The following ENTREP1 variants were observed in gnomAD, a reference collection of about 807,000 sequenced individuals.
ENTREP1 encodes endosomal transmembrane epsin interactor 1.
At chr9:69,386,138 G>A in the ENTREP1 span, 1 of 457,620 alleles carries the variant, frequency 2.2e-6, no homozygotes, top group East Asian at 3.6e-5. Flanking sequence ...TGTCTTTTAA[G>A]GATGGTAGGG....
chr9:69,328,510 C>A, the ENTREP1 span, among the ~76,000 whole-genome samples: 20 of 152,310 alleles, frequency 1.3e-4, no homozygotes, highest in African/African-American at 4.6e-4. Context: ...ATACCTAACG[C>A]TGCTCCCCCT....
the ENTREP1 span, among the ~76,000 whole-genome samples, chr9:69,342,733 A>G: frequency 1.3e-5 from 2 of 152,252 alleles, no homozygotes; most frequent in African/African-American, 4.8e-5. Context: ...CCAAGAGAAG[A>G]TTTGGCCTCT....
chr9:69,330,116 TG>T, the ENTREP1 span, among the ~76,000 whole-genome samples: 4 of 150,366 alleles, frequency 2.7e-5, no homozygotes, highest in Non-Finnish European at 5.9e-5. Flanking sequence ...TAGATTCCAC[TG>T]GGGTATGGGA....
chr9:69,368,227 C>CAGA, the ENTREP1 span, among the ~76,000 whole-genome samples: 2 of 152,020 alleles, frequency 1.3e-5, no homozygotes, highest in African/African-American at 4.8e-5. Context: ...ACTTCTAGTA[C>CAGA]TGTGTTGAAT....
At chr9:69,383,665 T>C in the ENTREP1 span, 1 of 1,613,664 alleles carries the variant, frequency 6.2e-7, no homozygotes. Context: ...CTGCCACACA[T>C]CTACGGAGCT....
At chr9:69,365,909 A>ATTAT in the ENTREP1 span, among the ~76,000 whole-genome samples, 1 of 152,112 alleles carries the variant, frequency 6.6e-6, no homozygotes, top group Admixed American at 6.6e-5. Flanking sequence ...TATACCATAT[A>ATTAT]TTATTTATTC....
At chr9:69,383,994 A>G in the ENTREP1 span, 4 of 1,613,304 alleles carry the variant, frequency 2.5e-6, no homozygotes, top group East Asian at 8.9e-5. Flanking sequence ...CTGTGATCCC[A>G]TTGGATCTGG....
chr9:69,365,993 G>A, the ENTREP1 span, among the ~76,000 whole-genome samples: 1 of 151,946 alleles, frequency 6.6e-6, no homozygotes, highest in Non-Finnish European at 1.5e-5. Flanking sequence ...TAAACATAAC[G>A]GTGCAGGAAT....
At chr9:69,342,426 G>A in the ENTREP1 span, among the ~76,000 whole-genome samples, 2 of 152,276 alleles carry the variant, frequency 1.3e-5, no homozygotes, top group Admixed American at 1.3e-4. Context: ...GCCAACAGTG[G>A]CTTTTTTGTG....
chr9:69,388,496 C>A, the ENTREP1 span: 1 of 1,437,788 alleles, frequency 7.0e-7, no homozygotes, highest in Non-Finnish European at 9.4e-7. Context: ...GACTCATTTT[C>A]ATAGCAGCTA....
chr9:69,349,184 C>CAAA, the ENTREP1 span, among the ~76,000 whole-genome samples: 3 of 85,290 alleles, frequency 3.5e-5, no homozygotes, highest in East Asian at 3.5e-4. Context: ...AACTCCATCT[C>CAAA]AAAAAAAAAA....
the ENTREP1 span, among the ~76,000 whole-genome samples, chr9:69,341,780 G>T: frequency 2.6e-5 from 4 of 152,158 alleles, no homozygotes; most frequent in African/African-American, 9.7e-5. Flanking sequence ...GGCTTTGGCA[G>T]TTGAGTTCTT....
the ENTREP1 span, among the ~76,000 whole-genome samples, chr9:69,327,560 A>G: frequency 6.6e-6 from 1 of 152,184 alleles, no homozygotes; most frequent in Non-Finnish European, 1.5e-5. Flanking sequence ...ATTGTGAATC[A>G]TTTCAGAGGT....
the ENTREP1 span, among the ~76,000 whole-genome samples, chr9:69,354,503 C>G: frequency 5.3e-5 from 8 of 152,222 alleles, no homozygotes; most frequent in Non-Finnish European, 1.2e-4. Context: ...GGTGATCCGC[C>G]TGCCTTGGCC....
At chr9:69,357,491 G>T in the ENTREP1 span, among the ~76,000 whole-genome samples, 1 of 152,150 alleles carries the variant, frequency 6.6e-6, no homozygotes, top group Non-Finnish European at 1.5e-5. Flanking sequence ...GCAACAGTCG[G>T]TTCTGTTCAC....
chr9:69,331,493 G>T, the ENTREP1 span, among the ~76,000 whole-genome samples: 1 of 152,124 alleles, frequency 6.6e-6, no homozygotes, highest in Non-Finnish European at 1.5e-5. Context: ...CAAGAAATAG[G>T]TTATCAGTGA....
At chr9:69,366,906 A>AT in the ENTREP1 span, among the ~76,000 whole-genome samples, 1 of 151,906 alleles carries the variant, frequency 6.6e-6, no homozygotes, top group African/African-American at 2.4e-5. Context: ...CATTTTTAAA[A>AT]TTTTAATTCA....
At chr9:69,328,590 T>C in the ENTREP1 span, among the ~76,000 whole-genome samples, 4 of 152,062 alleles carry the variant, frequency 2.6e-5, no homozygotes, top group Non-Finnish European at 5.9e-5. Context: ...TATTTTAGTA[T>C]GTACTTATAA....
chr9:69,364,603 G>A, the ENTREP1 span, among the ~76,000 whole-genome samples: 140 of 152,082 alleles, frequency 9.2e-4, 1 homozygote, highest in Non-Finnish European at 1.6e-3. Context: ...AAAGCTAGAG[G>A]CATCCATTCT....
Sources: allele counts gnomAD v4.1 joint callset (sites outside exome capture counted in the v4.1 genomes callset), GRCh38; gene constraint gnomAD v4.1.1; transcripts MANE v1.5; gene names NCBI Gene and HGNC (gene_info 2026-07-23, HGNC 2026-07-21).